Variants in AVEN observed in about 807,000 individuals in gnomAD.
AVEN encodes cell death regulator Aven.
A neutral mutation model predicts 38.1 loss-of-function variants in AVEN; 41 were observed. The observed-to-expected ratio is 1.08, with a 90% confidence interval of 0.84 to 1.40. The LOEUF (loss-of-function observed/expected upper bound fraction) is 1.40, where lower values mean the gene tolerates loss of function less well. Ranked by LOEUF, AVEN falls within the 40% of genes most tolerant of loss-of-function variation. The probability of loss-of-function intolerance (pLI) is 0.00; values close to 1 mark genes in which losing one functional copy is unlikely to be tolerated. For missense variants in AVEN, 605 were observed against 438.8 expected (o/e 1.38, Z -3.38); for synonymous variants, 206 against 171.8 (o/e 1.20, Z -1.56).
intron 1 of AVEN, among the ~76,000 whole-genome samples, chr15:34,037,240 C>T (rs944512323): frequency 1.3e-5 from 2 of 152,096 alleles, no homozygotes; most frequent in South Asian, 2.1e-4. Flanking sequence ...GCGCCAGACA[C>T]CATAGTTAAC....
At chr15:33,930,980 G>T in intron 2 of AVEN, among the ~76,000 whole-genome samples, 1 of 149,994 alleles carries the variant, frequency 6.7e-6, no homozygotes, top group Admixed American at 6.6e-5. Context: ...AAAAACTTAA[G>T]GATTACTAAG....
chr15:34,025,061 T>C (rs892808628), intron 1 of AVEN, among the ~76,000 whole-genome samples: 2 of 151,582 alleles, frequency 1.3e-5, no homozygotes, highest in Non-Finnish European at 1.5e-5. Flanking sequence ...ATCCAGCTAC[T>C]TGGGAGGCTG....
chr15:33,883,702 C>G (rs868357209), intron 2 of AVEN: 10 of 152,240 alleles, frequency 6.6e-5, no homozygotes, highest in Middle Eastern at 3.4e-3. Context: ...GGAAACTTTT[C>G]CTTTTGACAC....
chr15:33,861,235 A>G (rs1888077232), downstream of AVEN: 1 of 1,260,548 alleles, frequency 7.9e-7, no homozygotes. Context: ...AAAGCCAATT[A>G]GGTCATATAG....
intron 1 of AVEN, among the ~76,000 whole-genome samples, chr15:34,022,905 A>G (rs1277897214): frequency 6.6e-6 from 1 of 152,192 alleles, no homozygotes; most frequent in African/African-American, 2.4e-5. Context: ...AAGAACAATG[A>G]GGCCGGGCGC....
intron 5 of AVEN, among the ~76,000 whole-genome samples, chr15:34,051,720 A>C (rs1899930345): frequency 6.6e-6 from 1 of 152,222 alleles, no homozygotes; most frequent in Non-Finnish European, 1.5e-5. Flanking sequence ...ACTTCTATGC[A>C]CGTAAACTAG....
At chr15:33,854,542 G>A (rs755599604), downstream of AVEN, 79 of 1,161,300 alleles carry the variant, frequency 6.8e-5, no homozygotes, top group Admixed American at 1.9e-4. Flanking sequence ...AAGGGTTCAG[G>A]GATTGCTTAT....
downstream of AVEN, chr15:33,858,117 T>G: frequency 1.5e-6 from 1 of 671,118 alleles, no homozygotes; most frequent in Non-Finnish European, 2.4e-6. Flanking sequence ...GGAGGTAGTT[T>G]TCATTACCAC....
At chr15:33,898,665 C>T (rs993840225) in intron 2 of AVEN, among the ~76,000 whole-genome samples, 4 of 152,200 alleles carry the variant, frequency 2.6e-5, no homozygotes, top group Admixed American at 6.5e-5. Context: ...CACTTGATCA[C>T]ATTTGCCAAG....
intron 2 of AVEN, among the ~76,000 whole-genome samples, chr15:33,889,194 A>C (rs911844777): frequency 3.3e-5 from 5 of 152,254 alleles, no homozygotes; most frequent in Admixed American, 6.5e-5. Flanking sequence ...TAACAAAATC[A>C]TAAAAATGGG....
chr15:34,002,996 A>T, intron 2 of AVEN, 36 bp downstream of exon 2: 6 of 1,513,932 alleles, frequency 4.0e-6, no homozygotes, highest in Non-Finnish European at 5.3e-6. Flanking sequence ...CAACTTTCAG[A>T]GCACTAAACA....
intron 2 of AVEN, among the ~76,000 whole-genome samples, chr15:33,895,703 G>A (rs1015884626): frequency 6.6e-6 from 1 of 152,048 alleles, no homozygotes; most frequent in Non-Finnish European, 1.5e-5. Flanking sequence ...GTATTCTGAA[G>A]GCCCCACCAA....
intron 2 of AVEN, among the ~76,000 whole-genome samples, chr15:33,966,939 C>T (rs1895410063): frequency 6.6e-6 from 1 of 151,998 alleles, no homozygotes; most frequent in African/African-American, 2.4e-5. Context: ...TAGATTTTTA[C>T]TTCTCTCATT....
At chr15:33,951,078 C>A (rs1384883870) in intron 2 of AVEN, among the ~76,000 whole-genome samples, 2 of 140,814 alleles carry the variant, frequency 1.4e-5, no homozygotes. Flanking sequence ...AGGGAAGAGG[C>A]GAGTGGGGGG....
intron 2 of AVEN, among the ~76,000 whole-genome samples, chr15:33,886,423 C>T (rs1304609924): frequency 6.6e-6 from 1 of 152,198 alleles, no homozygotes; most frequent in African/African-American, 2.4e-5. Context: ...CTGCCTCACC[C>T]TCCCAAAGAG....
In AVEN at chr15:33,867,569, T is replaced by C. The variant is rs1890683574; in HGVS notation, c.899A>G (p.Asp300Gly). Residue 300 changes from aspartate (D) to glycine (G), a missense_variant, in exon 5 of 6, where the codon GAT (aspartate) becomes GGT (glycine). By Grantham distance (94) the Asp-to-Gly change is moderately conservative. Transcript: ENST00000306730. ...AGACGTCTGATCTGGTAAGATGTTATCTCCCTCTTTTATAGGTGCATCTAA... is the reference window on the plus strand; with the variant it reads ...AGACGTCTGATCTGGTAAGATGTTACCTCCCTCTTTTATAGGTGCATCTAA... ...LNLDAPIKEGDNILPDQTSQD... is the reference protein window; with the variant it reads ...LNLDAPIKEGGNILPDQTSQD... 1.2e-6 allele frequency: 2 copies of C among 1,614,044 alleles called. No homozygotes were observed. The highest frequency in any genetic ancestry group is 1.1e-5 in the South Asian group (1 of 91,044).
chr15:33,887,677 GA>G (rs1412300133), intron 2 of AVEN, among the ~76,000 whole-genome samples: 1 of 152,070 alleles, frequency 6.6e-6, no homozygotes, highest in South Asian at 2.1e-4. Context: ...ACATGAAACA[GA>G]AAAAAAGAAA....
chr15:33,945,132 G>C (rs1894460349), intron 2 of AVEN, among the ~76,000 whole-genome samples: 1 of 152,150 alleles, frequency 6.6e-6, no homozygotes, highest in Non-Finnish European at 1.5e-5. Flanking sequence ...CTACTTTCTA[G>C]TGGGTCTCTT....
At chr15:34,040,158 TAAAAAC>T (rs1899406364), upstream of AVEN, among the ~76,000 whole-genome samples, 2 of 151,808 alleles carry the variant, frequency 1.3e-5, no homozygotes, top group South Asian at 2.1e-4. Context: ...GTCCTGAAAT[TAAAAAC>T]AAAAACAAAA....
Sources: allele counts gnomAD v4.1 joint callset (sites outside exome capture counted in the v4.1 genomes callset), GRCh38; gene constraint gnomAD v4.1.1; transcripts MANE v1.5; gene names NCBI Gene and HGNC (gene_info 2026-07-23, HGNC 2026-07-21).